The following ADRA1B variants were observed in gnomAD, a reference collection of about 807,000 sequenced individuals.
The protein encoded by ADRA1B is alpha-1B adrenergic receptor.
A neutral mutation model predicts 17.9 loss-of-function variants in ADRA1B; 17 were observed. The ratio of observed to expected loss-of-function variants is 0.95; its 90% CI spans 0.65 to 1.42. The LOEUF is 1.42. Among genes scored for constraint, ADRA1B ranks in the 40% most tolerant of loss-of-function variants. The pLI is 0.00. For missense variants in ADRA1B, 681 were observed against 722.1 expected, an observed-to-expected ratio of 0.94 and a Z score of 0.65; for synonymous variants, 366 against 327.6, an observed-to-expected ratio of 1.12 and a Z score of -1.27.
intron 1 of ADRA1B, chr5:159,868,604 T>A (rs1753695098): frequency 6.6e-6 from 1 of 152,218 alleles, no homozygotes; most frequent in African/African-American, 2.4e-5. Context: ...TGGATAGAAG[T>A]CTTGAAAGCT....
chr5:159,901,624 A>G (rs1754102167), intron 1 of ADRA1B, among the ~76,000 whole-genome samples: 1 of 152,214 alleles, frequency 6.6e-6, no homozygotes, highest in African/African-American at 2.4e-5. Context: ...TGTTCATCTC[A>G]GCTCTTCTCA....
At chr5:159,881,317 CTCTCT>C (rs1753860928) in intron 1 of ADRA1B, among the ~76,000 whole-genome samples, 1 of 150,876 alleles carries the variant, frequency 6.6e-6, no homozygotes. Flanking sequence ...CTCTCTCTCT[CTCTCT>C]CTCTCTCTCT....
chr5:159,964,026 C>T (rs1229192619), intron 1 of ADRA1B, among the ~76,000 whole-genome samples: 1 of 152,186 alleles, frequency 6.6e-6, no homozygotes, highest in Non-Finnish European at 1.5e-5. Flanking sequence ...ATGCTTCCCA[C>T]ATGTGGTTTC....
At chr5:159,947,411 T>C (rs1476266384) in intron 1 of ADRA1B, among the ~76,000 whole-genome samples, 1 of 152,078 alleles carries the variant, frequency 6.6e-6, no homozygotes, top group Non-Finnish European at 1.5e-5. Flanking sequence ...TTCTCAGGGC[T>C]CATAAGTGGC....
In ADRA1B at chr5:159,972,879, C is replaced by T. The variant is rs981401039; in HGVS notation, c.*387C>T. Among the ~76,000 whole-genome samples, 2 of 152,200 alleles carry T rather than the reference C, an allele frequency of 1.3e-5. No individual in the cohort carries two copies. Among genetic ancestry groups the T allele is most frequent in the Non-Finnish European group, 2.9e-5 (2 of 68,026 alleles). ...GCCCTGTGAGGGCGCGGCGACTGTG[C>T]GCCCAGGAGGCAACCGGGGGCGTTG... On this transcript the variant is annotated 3_prime_UTR_variant, in exon 2 of 2. Coordinates refer to ENST00000306675, the MANE Select transcript of ADRA1B (RefSeq NM_000679.4).
intron 1 of ADRA1B, among the ~76,000 whole-genome samples, chr5:159,963,297 T>TATATATGTATATATATATATATATATAC (rs1755712484): frequency 1.3e-5 from 2 of 150,250 alleles, no homozygotes; most frequent in South Asian, 2.1e-4. Context: ...AGTATATATA[T>TATATATGTATATATATATATATATATAC]ATATATATAT....
At chr5:159,926,526 ACTT>A (rs2113184658) in intron 1 of ADRA1B, among the ~76,000 whole-genome samples, 1 of 152,122 alleles carries the variant, frequency 6.6e-6, no homozygotes, top group Admixed American at 6.5e-5. Flanking sequence ...CGTGTACCAG[ACTT>A]CTTCTAGTAT....
chr5:159,891,065 C>A (rs939490906), intron 1 of ADRA1B, among the ~76,000 whole-genome samples: 9 of 152,182 alleles, frequency 5.9e-5, no homozygotes, highest in Non-Finnish European at 1.0e-4. Flanking sequence ...CACCTACCCC[C>A]CCTCTAAGAT....
intron 1 of ADRA1B, among the ~76,000 whole-genome samples, chr5:159,866,295 GAAAAA>G (rs34220518): frequency 2.2e-5 from 2 of 90,252 alleles, no homozygotes; most frequent in Non-Finnish European, 4.4e-5. Flanking sequence ...AACATAGTGA[GAAAAA>G]AAAAAAAAAA....
At chr5:159,960,434 C>T (rs951009096) in intron 1 of ADRA1B, among the ~76,000 whole-genome samples, 3 of 152,222 alleles carry the variant, frequency 2.0e-5, no homozygotes, top group Non-Finnish European at 4.4e-5. Context: ...AGGTGGCTCT[C>T]AGCCCAGCCT....
chr5:159,987,924 G>GC, the ADRA1B span, among the ~76,000 whole-genome samples: 62 of 152,126 alleles, frequency 4.1e-4, no homozygotes, highest in African/African-American at 1.2e-3. Flanking sequence ...GCTGAAGAAT[G>GC]CCCCCCCTCG....
intron 1 of ADRA1B, among the ~76,000 whole-genome samples, chr5:159,966,449 T>G (rs893402668): frequency 1.3e-5 from 2 of 152,204 alleles, no homozygotes; most frequent in Non-Finnish European, 2.9e-5. Flanking sequence ...CAAGGTCACA[T>G]GGCCAGAGCC....
At chr5:159,954,491 C>T (rs993983306) in intron 1 of ADRA1B, among the ~76,000 whole-genome samples, 1 of 152,162 alleles carries the variant, frequency 6.6e-6, no homozygotes, top group Admixed American at 6.5e-5. Context: ...GATAGGACTT[C>T]AACAAATGGA....
the ADRA1B span, among the ~76,000 whole-genome samples, chr5:159,982,426 G>A: frequency 3.3e-5 from 5 of 152,024 alleles, no homozygotes; most frequent in South Asian, 4.2e-4. Context: ...TTTGTGTCTC[G>A]GGGACCTCCA....
At chr5:159,969,934 T>TA (rs200266882) in intron 1 of ADRA1B, among the ~76,000 whole-genome samples, 249 of 150,576 alleles carry the variant, frequency 1.7e-3, no homozygotes, top group African/African-American at 5.5e-3. Context: ...TTGCATTTTT[T>TA]TAAAAAAAAA....
At chr5:159,915,781 T>G (rs1051428713), upstream of ADRA1B, among the ~76,000 whole-genome samples, 1 of 152,162 alleles carries the variant, frequency 6.6e-6, no homozygotes, top group African/African-American at 2.4e-5. Context: ...CTAACACCTG[T>G]CATCACATTA....
At chr5:159,987,241 G>T in the ADRA1B span, among the ~76,000 whole-genome samples, 7 of 152,192 alleles carry the variant, frequency 4.6e-5, no homozygotes, top group Non-Finnish European at 1.0e-4. Context: ...ATTTGCCTTC[G>T]GGTTTCTGTG....
upstream of ADRA1B, among the ~76,000 whole-genome samples, chr5:159,915,626 C>T (rs1754282879): frequency 2.0e-5 from 3 of 152,170 alleles, no homozygotes; most frequent in Non-Finnish European, 4.4e-5. Context: ...ACCCCCACTC[C>T]CAGATAGCCA....
chr5:159,947,906 TCACATTCTCTGGCTTTCTG>T, intron 1 of ADRA1B: 1 of 985,420 alleles, frequency 1.0e-6, no homozygotes, highest in East Asian at 1.1e-4. Context: ...GGAGAGGGAT[TCACATTCTCTGGCTTTCTG>T]CAAGCTCTTC....
Sources: allele counts gnomAD v4.1 joint callset (sites outside exome capture counted in the v4.1 genomes callset), GRCh38; gene constraint gnomAD v4.1.1; transcripts MANE v1.5; gene names NCBI Gene and HGNC (gene_info 2026-07-23, HGNC 2026-07-21).